Variants in PPP2R2B observed in about 807,000 individuals in gnomAD.
PPP2R2B encodes the protein protein phosphatase 2 regulatory subunit Bbeta.
A neutral mutation model predicts 46.0 loss-of-function variants in PPP2R2B; 5 were observed. The observed-to-expected ratio is 0.11, with a 90% confidence interval of 0.06 to 0.23. PPP2R2B has a LOEUF of 0.23. PPP2R2B is among the 10% of genes least tolerant of loss of function. The probability of loss-of-function intolerance (pLI) is 1.00; values close to 1 mark genes in which losing one functional copy is unlikely to be tolerated. For missense variants in PPP2R2B, 367 were observed against 575.0 expected (o/e 0.64, Z 3.70); for synonymous variants, 215 against 206.7 (o/e 1.04, Z -0.34).
intron 1 of PPP2R2B, among the ~76,000 whole-genome samples, chr5:147,016,242 G>A (rs1346742907): frequency 1.3e-5 from 2 of 151,306 alleles, no homozygotes; most frequent in Non-Finnish European, 2.9e-5. Flanking sequence ...TCAGGAGGTA[G>A]GAGAATTGTG....
intron 7 of PPP2R2B, among the ~76,000 whole-genome samples, chr5:146,615,911 CA>C (rs1432945730): frequency 2.0e-5 from 3 of 152,232 alleles, no homozygotes; most frequent in Non-Finnish European, 4.4e-5. Flanking sequence ...TATGAAACCA[CA>C]AAAGACCCAG....
chr5:146,845,362 G>A (rs1401025098), intron 2 of PPP2R2B, among the ~76,000 whole-genome samples: 1 of 144,078 alleles, frequency 6.9e-6, no homozygotes, highest in East Asian at 2.0e-4. Context: ...CTGGAGTGCA[G>A]TGGCACACTC....
At chr5:147,078,727 G>A (rs1757875557) in intron 2 of PPP2R2B, among the ~76,000 whole-genome samples, 1 of 150,708 alleles carries the variant, frequency 6.6e-6, no homozygotes, top group African/African-American at 2.4e-5. Flanking sequence ...AGAATGGCGT[G>A]AACCCAGGAG....
intron 2 of PPP2R2B, among the ~76,000 whole-genome samples, chr5:146,823,364 A>T (rs1019238086): frequency 6.6e-6 from 1 of 151,734 alleles, no homozygotes; most frequent in African/African-American, 2.4e-5. Context: ...GGCCCGCCTA[A>T]TTTTTTTTAT....
At chr5:146,759,353 T>C (rs1253407963) in intron 2 of PPP2R2B, among the ~76,000 whole-genome samples, 1 of 152,232 alleles carries the variant, frequency 6.6e-6, no homozygotes, top group South Asian at 2.1e-4. Flanking sequence ...ATCTGAAGAT[T>C]ACTGAAAGCT....
intron 1 of PPP2R2B, among the ~76,000 whole-genome samples, chr5:146,991,561 C>T (rs1024105786): frequency 6.6e-6 from 1 of 151,900 alleles, no homozygotes; most frequent in African/African-American, 2.4e-5. Context: ...TTCAAGATAG[C>T]TAGAAAAGAA....
chr5:146,701,278 C>T (rs1162992496), intron 2 of PPP2R2B, 136 bp from the exon 3 acceptor site: 9 of 893,496 alleles, frequency 1.0e-5, no homozygotes, highest in Admixed American at 3.4e-5. Flanking sequence ...ATGTTATGTT[C>T]TGGGTTTTAA....
chr5:147,044,800 C>A (rs1161909963), intron 1 of PPP2R2B, among the ~76,000 whole-genome samples: 2 of 152,102 alleles, frequency 1.3e-5, no homozygotes, highest in Non-Finnish European at 2.9e-5. Flanking sequence ...AGCATATGCA[C>A]AATTCTAGAT....
At chr5:146,700,110 GAGGGGAGGTGTAC>G (rs1779444183) in intron 3 of PPP2R2B, among the ~76,000 whole-genome samples, 1 of 152,036 alleles carries the variant, frequency 6.6e-6, no homozygotes, top group East Asian at 1.9e-4. Flanking sequence ...TTCCTTTTTT[GAGGGGAGGTGTAC>G]TGCAAGTGGC....
chr5:147,068,416 C>A (rs944790610), intron 2 of PPP2R2B, among the ~76,000 whole-genome samples: 1 of 152,064 alleles, frequency 6.6e-6, no homozygotes, highest in Non-Finnish European at 1.5e-5. Flanking sequence ...ATGGTAAAGT[C>A]TTTCTAATGC....
intron 1 of PPP2R2B, among the ~76,000 whole-genome samples, chr5:146,933,251 A>C (rs1020307154): frequency 6.6e-6 from 1 of 152,068 alleles, no homozygotes; most frequent in African/African-American, 2.4e-5. Flanking sequence ...ATTTTTTTTC[A>C]ATTAACATAT....
chr5:146,852,876 G>A (rs1391248815), intron 2 of PPP2R2B, among the ~76,000 whole-genome samples: 1 of 152,158 alleles, frequency 6.6e-6, no homozygotes, highest in East Asian at 1.9e-4. Flanking sequence ...TAGAGAGTAT[G>A]TATACCTGAG....
chr5:146,899,116 A>G (rs1762740357), intron 1 of PPP2R2B, among the ~76,000 whole-genome samples: 1 of 150,972 alleles, frequency 6.6e-6, no homozygotes, highest in Admixed American at 6.6e-5. Context: ...CAGCCATCCC[A>G]TTACTGGGTA....
chr5:146,631,901 C>A lies in PPP2R2B; in HGVS notation c.790+6350G>T, dbSNP rs114953893. Among the ~76,000 whole-genome samples the A allele has an allele frequency of 7.7e-3, 1,174 of 152,224 alleles. 24 individuals are homozygous for A. Among genetic ancestry groups the A allele is most frequent in the African/African-American group, 0.025 (1,018 of 41,528 alleles). ...CTGTGCAAGAGCCCTGTGTCCATGA[C>A]CTCTTTCCACTCTTACCTCCTGGAG... On this transcript the variant is annotated intron_variant, in intron 7 of 9. Transcript: ENST00000394411.
chr5:146,830,998 C>T (rs1230553781), intron 2 of PPP2R2B, among the ~76,000 whole-genome samples: 1 of 152,084 alleles, frequency 6.6e-6, no homozygotes, highest in Non-Finnish European at 1.5e-5. Context: ...CAATGCATTA[C>T]TCAGGTGTTT....
chr5:147,081,052 C>G, intron 2 of PPP2R2B: 1 of 1,534,412 alleles, frequency 6.5e-7, no homozygotes, highest in Non-Finnish European at 8.7e-7. Context: ...ATGGGGATTT[C>G]TCCTACCTTC....
exon 1 of PPP2R2B, chr5:147,055,720 C>G: frequency 6.2e-7 from 1 of 1,613,278 alleles, no homozygotes; most frequent in Non-Finnish European, 8.5e-7. Flanking sequence ...AGATGTAAGG[C>G]AGGTAACGAG....
chr5:147,032,765 G>A (rs931445329), intron 1 of PPP2R2B, among the ~76,000 whole-genome samples: 9 of 152,122 alleles, frequency 5.9e-5, no homozygotes, highest in African/African-American at 2.2e-4. Context: ...TTATTGATGG[G>A]CATTTGGATT....
chr5:146,750,334 T>C (rs1201461261), intron 2 of PPP2R2B, among the ~76,000 whole-genome samples: 1 of 152,234 alleles, frequency 6.6e-6, no homozygotes, highest in Non-Finnish European at 1.5e-5. Context: ...TTTATAAAAA[T>C]CTTGGTGGGA....
Sources: gnomAD v4.1 joint callset for allele counts (sites outside exome capture counted in the v4.1 genomes callset) on GRCh38, gnomAD v4.1.1 for gene constraint, MANE v1.5 for transcripts, NCBI Gene and HGNC (gene_info 2026-07-23, HGNC 2026-07-21) for gene names.